Variants in GRM7 observed in about 807,000 individuals in gnomAD.
GRM7 encodes metabotropic glutamate receptor 7.
A neutral mutation model predicts 84.5 loss-of-function variants in GRM7; 35 were observed. The observed-to-expected ratio is 0.41, with a 90% CI of 0.32 to 0.55. The LOEUF (loss-of-function observed/expected upper bound fraction) is 0.55. Ranked by LOEUF, GRM7 falls within the 20% of genes least tolerant of loss-of-function variation. GRM7 has a pLI of 0.19. For missense variants in GRM7, 1,003 were observed against 1,194.6 expected (o/e 0.84, Z 2.36); for synonymous variants, 487 against 455.1 (o/e 1.07, Z -0.89).
At chr3:7,704,012 C>T (rs984336480) in intron 9 of GRM7, among the ~76,000 whole-genome samples, 1 of 152,174 alleles carries the variant, frequency 6.6e-6, no homozygotes, top group Non-Finnish European at 1.5e-5. Context: ...CATTGACCAG[C>T]ACACAAAATA....
chr3:7,384,616 T>C (rs893094572), intron 4 of GRM7, among the ~76,000 whole-genome samples: 1 of 152,246 alleles, frequency 6.6e-6, no homozygotes, highest in African/African-American at 2.4e-5. Context: ...TGAGATACTT[T>C]ACATTCTTTT....
intron 2 of GRM7, among the ~76,000 whole-genome samples, chr3:7,260,146 TC>T (rs1407938680): frequency 6.6e-6 from 1 of 152,036 alleles, no homozygotes; most frequent in East Asian, 1.9e-4. Flanking sequence ...GTTTTTTTTT[TC>T]TTGTAAATTT....
intron 1 of GRM7, among the ~76,000 whole-genome samples, chr3:7,021,667 A>G (rs936699605): frequency 5.3e-5 from 8 of 152,196 alleles, no homozygotes; most frequent in African/African-American, 1.9e-4. Context: ...TTAATTGTAT[A>G]GTATTCTTGT....
intron 9 of GRM7, chr3:7,680,757 T>C (rs1241106002): frequency 1.2e-5 from 2 of 172,568 alleles, no homozygotes; most frequent in Non-Finnish European, 2.5e-5. Context: ...ACTAATCAGG[T>C]CTTCTAGAAA....
chr3:6,866,930 G>C lies in GRM7; in HGVS notation c.519+5023G>C, dbSNP rs1694956508. 2.0e-5 allele frequency among the ~76,000 whole-genome samples: 3 copies of C among 152,234 alleles called. No homozygotes were observed. The South Asian group carries it at 6.2e-4, about 32-fold the overall frequency. The stretch of plus-strand genomic sequence containing the variant: ...ATGGGAACACTATCTCCTCTCTCTG[G>C]AATTTTTAAGCTAGGGAGATGTGAT... On this transcript the variant is annotated intron_variant, in intron 1 of 9. Coordinates refer to ENST00000357716, the MANE Select transcript of GRM7 (RefSeq NM_000844.4).
At chr3:7,013,337 C>T (rs73128597) in intron 1 of GRM7, among the ~76,000 whole-genome samples, 4,424 of 152,128 alleles carry the variant, frequency 0.029, 219 homozygotes, top group African/African-American at 0.097. Context: ...CATTACCCAG[C>T]TTCAAAACTT....
intron 1 of GRM7, among the ~76,000 whole-genome samples, chr3:7,036,673 G>T (rs972476628): frequency 2.6e-5 from 4 of 152,152 alleles, no homozygotes; most frequent in Non-Finnish European, 4.4e-5. Context: ...TGATTGAATA[G>T]AAAAGGTCCC....
chr3:7,406,141 G>A (rs1695666183), intron 4 of GRM7, among the ~76,000 whole-genome samples: 1 of 151,984 alleles, frequency 6.6e-6, no homozygotes, highest in African/African-American at 2.4e-5. Flanking sequence ...GGGGACATTT[G>A]CAGTGGTTTT....
rs2124924694 is a variant in GRM7 at position 6,861,868 on chromosome 3, G to T, written c.480G>T (p.Ser160=). 6.2e-7 allele frequency: 1 copy of T among 1,613,802 alleles called. No individual in the cohort carries two copies. The highest frequency in any genetic ancestry group is 8.5e-7 in the Non-Finnish European group (1 of 1,179,884). Residue 160 remains serine (S), a synonymous_variant, in exon 1 of 10, where the codon TCG becomes TCT. Transcript: ENST00000357716. This position sits in a 1 kb window ranked among gnomAD's most constrained non-coding sequence, Gnocchi z 6.4. ...GAGTGATTGGGGCTTCGGGGAGTTC[G>T]GTCTCCATCATGGTAGCCAACATCC... is the stretch of plus-strand genomic sequence containing the variant. ...VVGVIGASGS[S]VSIMVANILR...
Position 6,973,685 on chromosome 3 carries a change from C to T in GRM7, c.519+111778C>T, listed in dbSNP as rs188568817. Among the ~76,000 whole-genome samples, 221 of 152,212 alleles carry T rather than the reference C, an allele frequency of 1.5e-3. 2 individuals carry two copies. The highest frequency in any genetic ancestry group is 5.2e-3 in the African/African-American group (215 of 41,528). ...ACTTACTGCAGGAGGAACCATTAGA[C>T]AGAGAGGCCAGCAGTTGCAAAGGCC... is the stretch of plus-strand genomic sequence containing the variant. On this transcript the variant is annotated intron_variant, in intron 1 of 9. Transcript: ENST00000357716.
At chr3:7,310,632 C>A (rs145043561) in intron 4 of GRM7, among the ~76,000 whole-genome samples, 3 of 152,250 alleles carry the variant, frequency 2.0e-5, no homozygotes, top group African/African-American at 7.2e-5. Flanking sequence ...GCCCTATCAC[C>A]TTGTTTGATA....
intron 4 of GRM7, among the ~76,000 whole-genome samples, chr3:7,395,740 C>G (rs1377623430): frequency 6.6e-6 from 1 of 152,132 alleles, no homozygotes; most frequent in Non-Finnish European, 1.5e-5. Flanking sequence ...TGAGGCCTCC[C>G]CAGTCATATG....
rs373378624 is a variant in GRM7, at chr3:7,511,196, T to A, written c.1515+49474T>A. Among the ~76,000 whole-genome samples the A allele has an allele frequency of 1.2e-4, 18 of 152,272 alleles. No individual in the cohort carries two copies. In the East Asian group the frequency reaches 1.7e-3, roughly 15 times the overall value. On this transcript the variant is annotated intron_variant, in intron 7 of 9. Transcript: ENST00000357716. ...AGTGAGCCTGAGGAGCTTGACTTAG[T>A]TTACATGCCTGGCCCTCGACTATAG...
chr3:7,348,286 C>T (rs951616485), intron 4 of GRM7, among the ~76,000 whole-genome samples: 1 of 152,102 alleles, frequency 6.6e-6, no homozygotes, highest in Non-Finnish European at 1.5e-5. Flanking sequence ...TTTTCTCCCA[C>T]TAGGTCTGTT....
intron 4 of GRM7, among the ~76,000 whole-genome samples, chr3:7,370,849 T>C (rs1255856890): frequency 6.6e-6 from 1 of 152,102 alleles, no homozygotes; most frequent in Non-Finnish European, 1.5e-5. Context: ...CAGGCAGCAG[T>C]GTGGTAATGT....
At chr3:6,933,193 T>C (rs796988171) in intron 1 of GRM7, among the ~76,000 whole-genome samples, 5 of 152,364 alleles carry the variant, frequency 3.3e-5, no homozygotes, top group African/African-American at 1.2e-4. Flanking sequence ...AGACAATAGT[T>C]ATTATAAGCC....
At chr3:7,522,524 C>G (rs530075843) in intron 7 of GRM7, among the ~76,000 whole-genome samples, 117 of 152,212 alleles carry the variant, frequency 7.7e-4, no homozygotes, top group African/African-American at 2.7e-3. Flanking sequence ...TGCCTTCACC[C>G]CCTGACATTC....
chr3:7,294,584 G>A (rs1188239814), intron 2 of GRM7, among the ~76,000 whole-genome samples: 3 of 148,582 alleles, frequency 2.0e-5, no homozygotes, highest in Non-Finnish European at 3.0e-5. Context: ...AAAGAAAAAT[G>A]TTTGGCTAGA....
intron 1 of GRM7, among the ~76,000 whole-genome samples, chr3:6,872,511 G>C (rs749286579): frequency 2.1e-4 from 32 of 152,012 alleles, no homozygotes; most frequent in Non-Finnish European, 1.5e-5. Context: ...ATGTACAGAC[G>C]TGCAGGTTTG....
Sources: allele counts gnomAD v4.1 joint callset (sites outside exome capture counted in the v4.1 genomes callset), GRCh38; gene constraint gnomAD v4.1.1; non-coding constraint Gnocchi (gnomAD v3.1); transcripts MANE v1.5; gene names NCBI Gene and HGNC (gene_info 2026-07-23, HGNC 2026-07-21).